BANP: variants seen among roughly 807,000 people sequenced by gnomAD.
BANP encodes protein BANP.
In BANP, 11 loss-of-function variants were observed where a neutral mutation model predicts 68.1. That is an observed-to-expected ratio of 0.16 (90% confidence interval 0.10 to 0.27). The LOEUF (loss-of-function observed/expected upper bound fraction) is 0.27. Ranked by LOEUF, BANP falls within the 10% of genes least tolerant of loss-of-function variation. The pLI is 1.00. For synonymous variants in BANP, 329 were observed against 303.2 expected (o/e 1.09, Z -0.88); for missense variants, 504 against 722.7 (o/e 0.70, Z 3.47).
chr16:88,037,264 GA>G (rs2079594563), intron 10 of BANP: 1 of 152,214 alleles, frequency 6.6e-6, no homozygotes, highest in Non-Finnish European at 1.5e-5. Context: ...TTTCAAAACT[GA>G]ATCCATCTTG....
intron 4 of BANP, among the ~76,000 whole-genome samples, chr16:87,993,984 T>G (rs1441463755): frequency 2.0e-5 from 3 of 149,362 alleles, no homozygotes; most frequent in Non-Finnish European, 2.9e-5. Flanking sequence ...ATGAGCCGTT[T>G]CTCCGTGAAT....
chr16:88,015,966 G>A (rs2074452887), intron 6 of BANP, among the ~76,000 whole-genome samples: 2 of 152,178 alleles, frequency 1.3e-5, no homozygotes, highest in South Asian at 2.1e-4. Flanking sequence ...CCCAGTCTGG[G>A]TTTGGGAGTC....
At position 87,957,994 on chromosome 16, in the gene BANP, C is replaced by G. The variant is rs1271249980; in HGVS notation, c.-69+6479C>G. ...CTGCGTTTTCTGCCGAAATGCGTCC[C>G]TGAGATTGAGAAAGTTCACACCCTA... is the stretch of plus-strand genomic sequence containing the variant. On this transcript the variant is annotated intron_variant, in intron 1 of 13. Coordinates refer to ENST00000682872, the MANE Select transcript of BANP (RefSeq NM_001386991.1). This position sits in a 1 kb window ranked among gnomAD's most constrained non-coding sequence, Gnocchi z 4.3. Among the ~76,000 whole-genome samples, 5 of 152,160 alleles carry G rather than the reference C, an allele frequency of 3.3e-5. No homozygotes were observed. Among genetic ancestry groups the G allele is most frequent in the Admixed American group, 1.3e-4 (2 of 15,284 alleles).
In BANP at chr16:88,033,262, C is replaced by G; in HGVS notation, c.1200+17C>G. 6.5e-7 allele frequency: 1 copy of G among 1,545,380 alleles called. No individual in the cohort carries two copies. Among genetic ancestry groups the G allele is most frequent in the Non-Finnish European group, 8.8e-7 (1 of 1,136,274 alleles). ...GTGCAAGTAGTACGTACCCTCTCCACCTCACACCTTGGGAAAGGGGGCTGC... is the reference window on the plus strand; with the variant it reads ...GTGCAAGTAGTACGTACCCTCTCCAGCTCACACCTTGGGAAAGGGGGCTGC... On this transcript the variant is annotated intron_variant, in intron 9 of 13. Transcript: ENST00000682872.
At chr16:88,010,867 C>T (rs1410549405) in intron 6 of BANP, among the ~76,000 whole-genome samples, 2 of 144,636 alleles carry the variant, frequency 1.4e-5, no homozygotes, top group African/African-American at 2.6e-5. Context: ...TGCCGATTCA[C>T]ACACCTCGCA....
At chr16:88,062,505 G>C (rs979445023) in intron 11 of BANP, among the ~76,000 whole-genome samples, 1 of 152,194 alleles carries the variant, frequency 6.6e-6, no homozygotes, top group Non-Finnish European at 1.5e-5. Context: ...AAAATGTTCA[G>C]GGGAAAACCC....
At chr16:88,063,058 C>G (rs1006735239) in intron 11 of BANP, among the ~76,000 whole-genome samples, 5 of 152,238 alleles carry the variant, frequency 3.3e-5, no homozygotes, top group African/African-American at 4.8e-5. Flanking sequence ...ATATCTCAGC[C>G]TCCTGTGTGT....
intron 1 of BANP, among the ~76,000 whole-genome samples, chr16:87,965,855 C>T (rs1163136903): frequency 6.6e-6 from 1 of 152,100 alleles, no homozygotes; most frequent in African/African-American, 2.4e-5. Flanking sequence ...TAAGTAAGGC[C>T]TACGGAATAA....
chr16:88,042,184 T>TG (rs1380676422), intron 11 of BANP, among the ~76,000 whole-genome samples: 2 of 152,154 alleles, frequency 1.3e-5, no homozygotes, highest in Non-Finnish European at 2.9e-5. Context: ...TGACCAGTGT[T>TG]GGGGGGTAGC....
chr16:88,063,378 G>T (rs1278967027), intron 11 of BANP, among the ~76,000 whole-genome samples: 1 of 152,206 alleles, frequency 6.6e-6, no homozygotes, highest in African/African-American at 2.4e-5. Flanking sequence ...CTTCCACGTG[G>T]CCCGGCTCAG....
At chr16:87,968,431 C>A (rs2060495298) in intron 1 of BANP, among the ~76,000 whole-genome samples, 1 of 147,018 alleles carries the variant, frequency 6.8e-6, no homozygotes, top group Admixed American at 7.0e-5. Context: ...TTGCGGTGAG[C>A]TGAGATCGTG....
intron 11 of BANP, among the ~76,000 whole-genome samples, chr16:88,047,426 G>C (rs1156564660): frequency 6.6e-6 from 1 of 152,224 alleles, no homozygotes; most frequent in African/African-American, 2.4e-5. Flanking sequence ...CCCCAAACCA[G>C]GAAGCTGAGT....
chr16:88,017,446 C>T (rs906964130), intron 6 of BANP: 29 of 152,318 alleles, frequency 1.9e-4, no homozygotes, highest in African/African-American at 6.8e-4. Context: ...GTGGAGCTTT[C>T]TTCCATCACA....
At chr16:87,955,708 G>A (rs2057907317) in intron 1 of BANP, among the ~76,000 whole-genome samples, 1 of 152,086 alleles carries the variant, frequency 6.6e-6, no homozygotes, top group Non-Finnish European at 1.5e-5. Flanking sequence ...TAAAACTGTA[G>A]CCTCTCGGTG....
chr16:87,952,141 A>G (rs781415951), intron 1 of BANP: 1 of 152,392 alleles, frequency 6.6e-6, no homozygotes, highest in East Asian at 1.9e-4. Context: ...TCTGTGATCT[A>G]GTCCTTAAGG....
chr16:87,955,902 G>A (rs1040861541), intron 1 of BANP, among the ~76,000 whole-genome samples: 5 of 152,176 alleles, frequency 3.3e-5, no homozygotes, highest in African/African-American at 9.7e-5. Context: ...TGGCCAGTGC[G>A]TCTCAAGTGT....
rs770421375 is a variant in BANP at position 88,076,915 on chromosome 16, C to A, written c.*254C>A. The A allele has an allele frequency of 2.1e-6, 1 of 467,456 alleles. No homozygotes were observed. Among genetic ancestry groups the A allele is most frequent in the Admixed American group, 3.9e-5 (1 of 25,470 alleles). 29.0% of individuals were successfully genotyped at this position (467,456 alleles called of 1,614,324 possible). On this transcript the variant is annotated 3_prime_UTR_variant, in exon 14 of 14. Coordinates refer to ENST00000682872, the MANE Select transcript of BANP (RefSeq NM_001386991.1). ...ACGAGGGGAGGCACGGTGCGGAGAG[C>A]GTCGCATATGCGCGGGAAATCAAGA...
At chr16:87,960,170 C>T (rs769757157) in intron 1 of BANP, among the ~76,000 whole-genome samples, 10 of 152,080 alleles carry the variant, frequency 6.6e-5, no homozygotes, top group Non-Finnish European at 1.3e-4. Context: ...AGAGGCCCCG[C>T]GGACCGTGAG....
Position 88,072,221 on chromosome 16 carries a change from G to A in BANP, c.1521+9G>A. 1.9e-6 allele frequency: 3 copies of A among 1,604,916 alleles called. No homozygotes were observed. The highest frequency in any genetic ancestry group is 1.1e-5 in the South Asian group (1 of 90,416). ...ACACGGCCGGGGCACAGGTGAGTCT[G>A]GGGCCCCGCGCCGGGACACTGAAGT... On this transcript the variant is annotated intron_variant, in intron 13 of 13. Transcript: ENST00000682872.
Sources: allele counts gnomAD v4.1 joint callset (sites outside exome capture counted in the v4.1 genomes callset), GRCh38; gene constraint gnomAD v4.1.1; non-coding constraint Gnocchi (gnomAD v3.1); transcripts MANE v1.5; gene names NCBI Gene and HGNC (gene_info 2026-07-23, HGNC 2026-07-21).